CDCA7: variants seen among roughly 807,000 people sequenced by gnomAD.
The protein encoded by CDCA7 is cell division cycle-associated protein 7.
In CDCA7, 28 loss-of-function variants were observed where a neutral mutation model predicts 54.0. The observed-to-expected ratio is 0.52, with a 90% CI of 0.38 to 0.71. The LOEUF is 0.71. CDCA7 is among the 30% of genes least tolerant of loss of function. The probability of loss-of-function intolerance (pLI) is 0.00; values close to 1 mark genes in which losing one functional copy is unlikely to be tolerated. For synonymous variants in CDCA7, 180 were observed against 208.2 expected (o/e 0.86, Z 1.16); for missense variants, 484 against 586.0 (o/e 0.83, Z 1.80).
Position 173,366,255 on chromosome 2 carries a change from G to GTT in CDCA7, c.1036-21_1036-20dup, listed in dbSNP as rs35959156. The GTT allele has an allele frequency of 2.0e-3, 2,988 of 1,478,146 alleles. 1 individual carries two copies. Among genetic ancestry groups the GTT allele is most frequent in the South Asian group, 5.3e-3 (420 of 78,738 alleles). 91.6% of individuals were successfully genotyped at this position (1,478,146 alleles called of 1,614,324 possible). On this transcript the variant is annotated intron_variant, in intron 7 of 9. Transcript: ENST00000306721. The surrounding 1 kb of genome is among the most constrained non-coding windows in gnomAD (Gnocchi z 4.5). The stretch of plus-strand genomic sequence containing the variant: ...CTGTTGAAAAACAGTGGTTTTTTTT[G>GTT]TTTTTTTTCTTAATGGCTTATTTGT...
rs541835160 is a variant in CDCA7, at chr2:173,364,626, CAT to C, written c.700-165_700-164del. On this transcript the variant is annotated intron_variant, in intron 5 of 9. Coordinates refer to ENST00000306721, the MANE Select transcript of CDCA7 (RefSeq NM_031942.5). Reference sequence around the variant, plus strand: ...ATTACAAAAGCAAAATTAAGATGGCCATATAGGTTTTAGGCTCATTTTGCCAT... The same window carrying C: ...ATTACAAAAGCAAAATTAAGATGGCCATAGGTTTTAGGCTCATTTTGCCAT... 2.8e-4 allele frequency: 244 copies of C among 886,548 alleles called. 2 individuals carry two copies. In the African/African-American group the frequency reaches 3.8e-3, roughly 14 times the overall value. The allele number at this position is 886,548 out of a possible 1,614,324, so 54.9% of individuals were successfully genotyped here.
In CDCA7 at chr2:173,359,187, G is replaced by A. The variant is rs572399327; in HGVS notation, c.148-68G>A. ...GTAAATGTGATTTGCTCTCTGCACG[G>A]TTTATGGAAAATTGGTTCTTGAAAA... On this transcript the variant is annotated intron_variant, in intron 2 of 9. Coordinates refer to ENST00000306721, the MANE Select transcript of CDCA7 (RefSeq NM_031942.5). 3.0e-6 allele frequency: 4 copies of A among 1,328,446 alleles called. No homozygotes were observed. In the African/African-American group the frequency reaches 5.8e-5, roughly 19 times the overall value. The allele number at this position is 1,328,446 out of a possible 1,614,324, so 82.3% of individuals were successfully genotyped here.
chr2:173,355,676 AC>A (rs1686487235), intron 1 of CDCA7, among the ~76,000 whole-genome samples: 1 of 23,950 alleles, frequency 4.2e-5, no homozygotes, highest in Admixed American at 3.4e-4. Flanking sequence ...CCAACCCCCC[AC>A]CCCCCACCCC....
chr2:173,367,479 A>T (rs568695700), intron 9 of CDCA7, among the ~76,000 whole-genome samples, 155 bp from the exon 10 acceptor site: 16 of 152,298 alleles, frequency 1.1e-4, no homozygotes, highest in South Asian at 2.1e-4. Context: ...GTGGGTGTGT[A>T]TGAAAAAGTC....
intron 3 of CDCA7, among the ~76,000 whole-genome samples, chr2:173,362,624 G>GA (rs1686643120): frequency 6.9e-6 from 1 of 145,274 alleles, no homozygotes; most frequent in Admixed American, 7.0e-5. Flanking sequence ...ACCCAGCCCT[G>GA]GCATACAGTG....
intron 3 of CDCA7, 79 bp from the exon 4 acceptor site, chr2:173,363,147 C>A: frequency 1.5e-6 from 2 of 1,341,158 alleles, no homozygotes; most frequent in Non-Finnish European, 1.1e-6. Context: ...ACAAGTGTCT[C>A]ATTGAAAAGG....
rs371261207 is a variant in CDCA7 at position 173,363,801 on chromosome 2, A to C, written c.622-17A>C. ...ATTCTAAGCCAATGATATCAGTTTA[A>C]TTTCCTCCCTTTTTAGCTTGCAAAA... is the stretch of plus-strand genomic sequence containing the variant. On this transcript the variant is annotated splice_polypyrimidine_tract_variant and intron_variant, in intron 4 of 9. Coordinates refer to ENST00000306721, the MANE Select transcript of CDCA7 (RefSeq NM_031942.5). 2.5e-6 allele frequency: 4 copies of C among 1,613,376 alleles called. No individual in the cohort carries two copies. Among genetic ancestry groups the C allele is most frequent in the Non-Finnish European group, 3.4e-6 (4 of 1,179,496 alleles).
rs1453749043 is a variant in CDCA7, at chr2:173,367,841, TA to T, written c.*178del. On this transcript the variant is annotated 3_prime_UTR_variant, in exon 10 of 10. Coordinates refer to ENST00000306721, the MANE Select transcript of CDCA7 (RefSeq NM_031942.5). ...TGGAGCATCACAGAAGGTATATTGC[TA>T]GTTACACTTTGCCCTCCTGCAGTTT... 7.3e-6 allele frequency: 5 copies of T among 688,108 alleles called. No individual in the cohort carries two copies. The highest frequency in any genetic ancestry group is 1.3e-5 in the Non-Finnish European group (5 of 398,602). 42.6% of individuals were successfully genotyped at this position (688,108 alleles called of 1,614,324 possible). A position where few individuals can be genotyped will look rare whatever the true frequency, so the allele number is the denominator to read the frequency against.
chr2:173,364,775 C>T lies in CDCA7; in HGVS notation c.700-20C>T. On this transcript the variant is annotated intron_variant, in intron 5 of 9. Transcript: ENST00000306721. ...CTTTATTATGGAATAAATGGATTCC[C>T]TTATACGTGCTTTGTTTAGCAATCA... 6.3e-7 allele frequency: 1 copy of T among 1,586,280 alleles called. No individual in the cohort carries two copies. Among genetic ancestry groups the T allele is most frequent in the Non-Finnish European group, 8.5e-7 (1 of 1,172,122 alleles).
chr2:173,358,632 T>C (rs2106388188), intron 1 of CDCA7, 80 bp from the exon 2 acceptor site: 7 of 1,501,686 alleles, frequency 4.7e-6, no homozygotes, highest in Non-Finnish European at 6.3e-6. Flanking sequence ...TGTTTGAACC[T>C]ACTAAACTAA....
intron 7 of CDCA7, among the ~76,000 whole-genome samples, chr2:173,365,960 A>G (rs1340232380): frequency 6.6e-6 from 1 of 152,152 alleles, no homozygotes; most frequent in Middle Eastern, 3.2e-3. Context: ...ACCTTTTCTT[A>G]AAGGGAAAGC....
intron 1 of CDCA7, 153 bp from the exon 2 acceptor site, chr2:173,358,559 G>T: frequency 1.3e-6 from 1 of 768,968 alleles, no homozygotes; most frequent in Admixed American, 3.7e-5. Context: ...AAAATTTTTT[G>T]TAGCAGTTAA....
chr2:173,367,308 C>T, intron 9 of CDCA7, 22 bp downstream of exon 9: 1 of 1,613,144 alleles, frequency 6.2e-7, no homozygotes, highest in Non-Finnish European at 8.5e-7. Flanking sequence ...TTTTTTTTCC[C>T]TTCCACATCT....
chr2:173,363,878 C>T lies in CDCA7; in HGVS notation c.682C>T (p.Leu228Phe), dbSNP rs1455917273. 2 of 1,614,212 alleles carry T rather than the reference C, an allele frequency of 1.2e-6. No individual in the cohort carries two copies. Among genetic ancestry groups the T allele is most frequent in the Non-Finnish European group, 1.7e-6 (2 of 1,180,034 alleles). ...TGGCTCGTTCCGTGGAAGACATCCC[C>T]TCCCAGGCTCCGACTCAGTAAGTAC... ...FPGSFRGRHP[L>F]PGSDSQSRRP... Residue 228 changes from leucine (L) to phenylalanine (F), a missense_variant, in exon 5 of 10, where the codon CTC (leucine) becomes TTC (phenylalanine). By Grantham distance (22) the Leu-to-Phe change is conservative. Transcript: ENST00000306721.
intron 1 of CDCA7, among the ~76,000 whole-genome samples, chr2:173,357,525 T>A (rs568829050): frequency 6.6e-4 from 101 of 152,284 alleles, no homozygotes; most frequent in Non-Finnish European, 1.2e-3. Flanking sequence ...CCCTCTTGAT[T>A]GGAAAGGGGC....
intron 5 of CDCA7, 129 bp downstream of exon 5, chr2:173,364,024 A>C: frequency 2.6e-6 from 2 of 756,486 alleles, no homozygotes; most frequent in Admixed American, 2.6e-5. Flanking sequence ...CCTAGAGGAA[A>C]CCCCCTGACA....
intron 3 of CDCA7, among the ~76,000 whole-genome samples, chr2:173,361,412 C>T (rs1686618137): frequency 6.6e-6 from 1 of 151,292 alleles, no homozygotes; most frequent in African/African-American, 2.4e-5. Context: ...GTTACAGTTT[C>T]TCCAAATTTT....
chr2:173,364,656 A>G, intron 5 of CDCA7, 139 bp from the exon 6 acceptor site: 1 of 1,283,888 alleles, frequency 7.8e-7, no homozygotes, highest in Non-Finnish European at 1.0e-6. Context: ...TTTGCCATGC[A>G]TTATGCAAAG....
In CDCA7 at chr2:173,366,236, A is replaced by G. The variant is rs779478162; in HGVS notation, c.1036-47A>G. On this transcript the variant is annotated intron_variant, in intron 7 of 9. Transcript: ENST00000306721. This position sits in a 1 kb window ranked among gnomAD's most constrained non-coding sequence, Gnocchi z 4.5. Reference sequence around the variant, plus strand: ...TGTAAATATGCCATTTCCTCTGTTGAAAAACAGTGGTTTTTTTTGTTTTTT... The same window carrying G: ...TGTAAATATGCCATTTCCTCTGTTGGAAAACAGTGGTTTTTTTTGTTTTTT... 1 of 1,556,032 alleles carries G rather than the reference A, an allele frequency of 6.4e-7. No individual in the cohort carries two copies. Among genetic ancestry groups the G allele is most frequent in the Non-Finnish European group, 8.6e-7 (1 of 1,157,026 alleles).
Sources: gnomAD v4.1 joint callset for allele counts (sites outside exome capture counted in the v4.1 genomes callset) on GRCh38, gnomAD v4.1.1 for gene constraint, Gnocchi (gnomAD v3.1) non-coding constraint, MANE v1.5 for transcripts, NCBI Gene and HGNC (gene_info 2026-07-23, HGNC 2026-07-21) for gene names.